The following WDR41 variants were observed in gnomAD, a reference collection of about 807,000 sequenced individuals.
The protein encoded by WDR41 is WD repeat-containing protein 41.
A neutral mutation model predicts 69.3 loss-of-function variants in WDR41; 63 were observed. The observed-to-expected ratio is 0.91, with a 90% CI of 0.74 to 1.12. The LOEUF (loss-of-function observed/expected upper bound fraction) is 1.12, where lower values mean the gene tolerates loss of function less well. Ranked by LOEUF, WDR41 falls within the 50% of genes most tolerant of loss-of-function variation. WDR41 has a pLI of 0.00. For missense variants in WDR41, 543 were observed against 534.5 expected, an observed-to-expected ratio of 1.02 and a Z score of -0.16; for synonymous variants, 185 against 192.1, an observed-to-expected ratio of 0.96 and a Z score of 0.31.
In WDR41 at chr5:77,553,965, T is replaced by C. The variant is rs186057481; in HGVS notation, c.43-64393A>G. ...ATTTATGCCAGAGGAATGAAAGTTATTTTAACATAAAAACCCAAATAATTA... is the reference window on the plus strand; with the variant it reads ...ATTTATGCCAGAGGAATGAAAGTTACTTTAACATAAAAACCCAAATAATTA... On this transcript the variant is annotated intron_variant, in intron 1 of 5. Coordinates refer to the WDR41 transcript ENST00000509971. 3.2e-4 allele frequency among the ~76,000 whole-genome samples: 48 copies of C among 152,316 alleles called. 1 individual carries two copies.
intron 2 of WDR41, among the ~76,000 whole-genome samples, chr5:77,471,686 A>G (rs1800621336): frequency 2.0e-5 from 3 of 152,220 alleles, no homozygotes; most frequent in South Asian, 2.1e-4. Context: ...GAAGAAATGG[A>G]TAAGTTCCTT....
chr5:77,454,076 G>A (rs1799731798), intron 5 of WDR41, 148 bp from the exon 6 acceptor site: 3 of 638,084 alleles, frequency 4.7e-6, no homozygotes, highest in Admixed American at 5.2e-5. Context: ...GCACTACTAA[G>A]TGACTAGCTT....
At chr5:77,487,688 T>C (rs751478335) in intron 2 of WDR41, among the ~76,000 whole-genome samples, 2 of 152,272 alleles carry the variant, frequency 1.3e-5, no homozygotes, top group South Asian at 2.1e-4. Context: ...CCTAAGTTTA[T>C]ACTAAAGGAA....
intron 1 of WDR41, chr5:77,583,205 A>G: frequency 1.3e-6 from 1 of 777,950 alleles, no homozygotes; most frequent in Non-Finnish European, 2.0e-6. Flanking sequence ...AAAAAAGTGC[A>G]GAGGTTGAAT....
At chr5:77,495,798 G>GA (rs869068530), upstream of WDR41, among the ~76,000 whole-genome samples, 13 of 99,918 alleles carry the variant, frequency 1.3e-4, no homozygotes, top group African/African-American at 3.1e-4. Context: ...ACCAAAACCA[G>GA]AAAAAAAATC....
intron 1 of WDR41, among the ~76,000 whole-genome samples, chr5:77,609,862 CT>C (rs1744508502): frequency 7.0e-6 from 1 of 142,624 alleles, no homozygotes; most frequent in South Asian, 2.3e-4. Context: ...CTACTCTGAG[CT>C]ACAGGAGGAA....
rs1161360983 is a variant in WDR41 at position 77,556,450 on chromosome 5, C to T, written c.42+64029G>A. On this transcript the variant is annotated intron_variant, in intron 1 of 5. Coordinates refer to the WDR41 transcript ENST00000509971. The stretch of plus-strand genomic sequence containing the variant: ...TGAGGTGGAGTCTCGCTCTACTGCG[C>T]AGGCCAGAGTGCAGTGGCATGATGT... Among the ~76,000 whole-genome samples the T allele has an allele frequency of 2.0e-5, 3 of 152,124 alleles. No homozygotes were observed. In the East Asian group the frequency reaches 5.8e-4, roughly 29 times the overall value.
chr5:77,534,414 G>A (rs6896592), intron 1 of WDR41, among the ~76,000 whole-genome samples: 16,536 of 151,916 alleles, frequency 0.11, 1,924 homozygotes, highest in African/African-American at 0.27. Context: ...AAACAGTTTT[G>A]AATAAAGCAT....
chr5:77,611,963 A>G (rs1744563128), intron 1 of WDR41, among the ~76,000 whole-genome samples: 1 of 152,178 alleles, frequency 6.6e-6, no homozygotes, highest in Non-Finnish European at 1.5e-5. Flanking sequence ...AGGGGATATC[A>G]CCACTGATCC....
chr5:77,488,179 C>G (rs1581763697), intron 2 of WDR41, among the ~76,000 whole-genome samples: 1 of 152,338 alleles, frequency 6.6e-6, no homozygotes, highest in Middle Eastern at 3.4e-3. Flanking sequence ...ACATGGCTTG[C>G]AGCTAGTGTC....
intron 1 of WDR41, among the ~76,000 whole-genome samples, chr5:77,537,466 A>G (rs1477375892): frequency 1.3e-5 from 2 of 152,238 alleles, no homozygotes; most frequent in Non-Finnish European, 2.9e-5. Flanking sequence ...GCAGCAGGGT[A>G]GGTATAATGA....
intron 1 of WDR41, among the ~76,000 whole-genome samples, chr5:77,577,321 C>CAA (rs1248831645): frequency 7.0e-6 from 1 of 142,430 alleles, no homozygotes; most frequent in Non-Finnish European, 1.5e-5. Context: ...TTCCCCCCAC[C>CAA]AAAAAAAAAG....
chr5:77,517,835 G>T (rs954581528), intron 1 of WDR41, among the ~76,000 whole-genome samples: 4 of 151,876 alleles, frequency 2.6e-5, no homozygotes, highest in African/African-American at 9.7e-5. Flanking sequence ...ATAATAATAA[G>T]AAGAAACGAA....
Position 77,503,343 on chromosome 5 carries a change from G to A in WDR41, c.43-13771C>T, listed in dbSNP as rs182349150. On this transcript the variant is annotated intron_variant, in intron 1 of 5. Transcript: ENST00000509971. ...AGAGCTAACTATCCTAAATATATAT[G>A]CACCCAATACAGGAGGACCCAGATT... Among the ~76,000 whole-genome samples, 648 of 152,224 alleles carry A rather than the reference G, an allele frequency of 4.3e-3. 1 individual carries two copies. The highest frequency in any genetic ancestry group is 7.1e-3 in the Non-Finnish European group (481 of 68,002).
intron 1 of WDR41, among the ~76,000 whole-genome samples, chr5:77,602,584 T>G (rs1034356754): frequency 2.0e-5 from 3 of 147,048 alleles, no homozygotes; most frequent in Admixed American, 2.0e-4. Flanking sequence ...AATGACATGA[T>G]TTTTTTTTCT....
In WDR41 at chr5:77,453,872, A is replaced by G. The variant is rs1008108756; in HGVS notation, c.468T>C (p.Cys156=). The G allele has an allele frequency of 6.2e-7, 1 of 1,614,132 alleles. No homozygotes were observed. Among genetic ancestry groups the G allele is most frequent in the Non-Finnish European group, 8.5e-7 (1 of 1,180,016 alleles). Residue 156 remains cysteine, a synonymous_variant, in exon 6 of 13, where the codon TGT becomes TGC. Coordinates refer to ENST00000296679, the MANE Select transcript of WDR41 (RefSeq NM_018268.4). ...GGAGATCTAATTTTCGGTTCCACAC[A>G]CACAGGTCATTCCCACCAGAAAGCC... is the stretch of plus-strand genomic sequence containing the variant. ...DVWLSGGNDL[C]VWNRKLDLLC...
rs1250740800 is a variant in WDR41, at chr5:77,431,900, C to G, written c.*1235G>C. ...TATAAGCCTTTTCTCATTCAGTCTT[C>G]AGTTCCTGTTTTTAGAGCTGCTTGG... is the stretch of plus-strand genomic sequence containing the variant. On this transcript the variant is annotated 3_prime_UTR_variant, in exon 13 of 13. Coordinates refer to ENST00000296679, the MANE Select transcript of WDR41 (RefSeq NM_018268.4). 6.6e-6 allele frequency: 1 copy of G among 152,164 alleles called. No individual in the cohort carries two copies. Among genetic ancestry groups the G allele is most frequent in the African/African-American group, 2.4e-5 (1 of 41,432 alleles). The allele number at this position is 152,164 out of a possible 1,614,324, so 9.4% of individuals were successfully genotyped here.
chr5:77,544,623 A>G (rs1743154062), intron 1 of WDR41, among the ~76,000 whole-genome samples: 2 of 152,102 alleles, frequency 1.3e-5, no homozygotes, highest in Non-Finnish European at 2.9e-5. Flanking sequence ...AAATATCACA[A>G]TCCTAAATAT....
intron 6 of WDR41, 121 bp from the exon 7 acceptor site, chr5:77,451,474 C>T (rs1247536258): frequency 1.7e-5 from 13 of 783,318 alleles, no homozygotes; most frequent in Non-Finnish European, 2.3e-5. Flanking sequence ...ACAGAACTAG[C>T]TCCACACACA....
Sources: gnomAD v4.1 joint callset for allele counts (sites outside exome capture counted in the v4.1 genomes callset) on GRCh38, gnomAD v4.1.1 for gene constraint, MANE v1.5 for transcripts, NCBI Gene and HGNC (gene_info 2026-07-23, HGNC 2026-07-21) for gene names.